The following ADAMTS17 variants were observed in gnomAD, a reference collection of about 807,000 sequenced individuals.
ADAMTS17 encodes the protein A disintegrin and metalloproteinase with thrombospondin motifs 17.
ADAMTS17 carries 113 observed loss-of-function variants against 141.5 expected under a neutral mutation model. The ratio of observed to expected loss-of-function variants is 0.80; its 90% CI spans 0.69 to 0.93. The LOEUF is 0.93. Ranked by LOEUF, ADAMTS17 falls within the 40% of genes least tolerant of loss-of-function variation. ADAMTS17 has a pLI of 0.00. For synonymous variants in ADAMTS17, 768 were observed against 630.6 expected (o/e 1.22, Z -3.27); for missense variants, 1,659 against 1,517.9 (o/e 1.09, Z -1.54).
chr15:99,977,384 ATATATATATATATATAATTT>A (rs1567632395), intron 20 of ADAMTS17, among the ~76,000 whole-genome samples: 8 of 14,778 alleles, frequency 5.4e-4, no homozygotes, highest in African/African-American at 1.9e-3. Flanking sequence ...ATATATATAT[ATATATATATATATATAATTT>A]TTTTTTTTTT....
chr15:100,075,904 G>T (rs139048390), intron 15 of ADAMTS17, among the ~76,000 whole-genome samples: 1 of 152,022 alleles, frequency 6.6e-6, no homozygotes, highest in African/African-American at 2.4e-5. Flanking sequence ...CGTAGACCTG[G>T]TTTCTGTGAT....
At chr15:100,273,203 C>T (rs2043973504) in intron 4 of ADAMTS17, among the ~76,000 whole-genome samples, 1 of 152,032 alleles carries the variant, frequency 6.6e-6, no homozygotes, top group African/African-American at 2.4e-5. Flanking sequence ...TCAGGGAATG[C>T]CAGTCTCACA....
At chr15:100,160,948 AG>A (rs1567281386) in intron 8 of ADAMTS17, among the ~76,000 whole-genome samples, 3 of 152,174 alleles carry the variant, frequency 2.0e-5, no homozygotes, top group Non-Finnish European at 2.9e-5. Context: ...AACTCATATT[AG>A]TTTAAGTTTA....
chr15:100,215,664 T>C (rs574101706), intron 7 of ADAMTS17, among the ~76,000 whole-genome samples: 2 of 152,096 alleles, frequency 1.3e-5, no homozygotes, highest in African/African-American at 4.8e-5. Flanking sequence ...TGGAGTGCCC[T>C]TCTTGGTCCC....
intron 12 of ADAMTS17, among the ~76,000 whole-genome samples, chr15:100,121,036 A>G (rs901230767): frequency 1.3e-5 from 2 of 152,254 alleles, no homozygotes; most frequent in African/African-American, 4.8e-5. Flanking sequence ...TTAAGAAAAC[A>G]AAGATAAATT....
At chr15:100,115,536 A>G (rs2037061951) in intron 13 of ADAMTS17, among the ~76,000 whole-genome samples, 1 of 152,204 alleles carries the variant, frequency 6.6e-6, no homozygotes, top group African/African-American at 2.4e-5. Flanking sequence ...AATTTAGAGC[A>G]TCACATGTTG....
chr15:100,066,582 A>G (rs1359833094), intron 15 of ADAMTS17, among the ~76,000 whole-genome samples: 2 of 152,054 alleles, frequency 1.3e-5, no homozygotes, highest in Non-Finnish European at 2.9e-5. Context: ...AAATGTCTTC[A>G]TTGACATTCT....
chr15:100,195,537 C>G (rs78056693), intron 8 of ADAMTS17, among the ~76,000 whole-genome samples: 1 of 146,306 alleles, frequency 6.8e-6, no homozygotes, highest in South Asian at 2.2e-4. Flanking sequence ...CACATTTTCA[C>G]ATTTTCACCG....
At chr15:100,139,423 C>A (rs2038511575) in intron 10 of ADAMTS17, among the ~76,000 whole-genome samples, 1 of 152,174 alleles carries the variant, frequency 6.6e-6, no homozygotes, top group African/African-American at 2.4e-5. Flanking sequence ...TTGTCACAAC[C>A]AGGGGGAGTG....
Position 100,341,376 on chromosome 15 carries a change from A to G in ADAMTS17, c.113T>C (p.Val38Ala). ...GTCGGGGCGCACCCGCCACGGGAGCACCACCTCCACGTCGGCCGCCGCGTC... is the reference window on the plus strand; with the variant it reads ...GTCGGGGCGCACCCGCCACGGGAGCGCCACCTCCACGTCGGCCGCCGCGTC... ...VGDAAADVEV[V>A]LPWRVRPDDV... Residue 38 changes from valine to alanine, a missense_variant, in exon 2 of 22, where the codon GTG becomes GCG. By Grantham distance (64) the Val-to-Ala change is moderately conservative. Coordinates refer to ENST00000268070, the MANE Select transcript of ADAMTS17 (RefSeq NM_139057.4). The G allele has an allele frequency of 4.9e-6, 5 of 1,017,030 alleles. No individual in the cohort carries two copies. Among genetic ancestry groups the G allele is most frequent in the Non-Finnish European group, 5.9e-6 (5 of 852,556 alleles). The allele number at this position is 1,017,030 out of a possible 1,614,324, so 63.0% of individuals were successfully genotyped here.
chr15:100,021,549 CT>C (rs2061407204), intron 18 of ADAMTS17, among the ~76,000 whole-genome samples: 2 of 152,346 alleles, frequency 1.3e-5, no homozygotes, highest in Non-Finnish European at 2.9e-5. Flanking sequence ...CAGTCTGAAA[CT>C]TTCGACGGCT....
chr15:100,195,979 A>C (rs1273152006), intron 8 of ADAMTS17, among the ~76,000 whole-genome samples: 3 of 152,238 alleles, frequency 2.0e-5, no homozygotes, highest in African/African-American at 7.2e-5. Context: ...TATAATGCCT[A>C]CCTCATAGGA....
intron 2 of ADAMTS17, among the ~76,000 whole-genome samples, chr15:100,334,780 C>T (rs2046159329): frequency 6.6e-6 from 1 of 152,198 alleles, no homozygotes; most frequent in South Asian, 2.1e-4. Context: ...CCAAAGCAAG[C>T]CTCTCCTTGG....
chr15:100,194,527 C>T (rs931632664), intron 8 of ADAMTS17, among the ~76,000 whole-genome samples: 4 of 152,206 alleles, frequency 2.6e-5, no homozygotes, highest in Non-Finnish European at 5.9e-5. Flanking sequence ...CCAACTGCCT[C>T]CTTGATCTGG....
chr15:100,133,391 G>A (rs1246722932), intron 10 of ADAMTS17, 76 bp from the exon 11 acceptor site: 2 of 1,411,074 alleles, frequency 1.4e-6, no homozygotes, highest in Non-Finnish European at 2.0e-6. Flanking sequence ...CAGAGGTGTG[G>A]CCCAACCACT....
rs567117462 is a variant in ADAMTS17, at chr15:100,139,788, A to G, written c.1474-6473T>C. ...GGTACTCTTCAAAAGCGTCAAGGTC[A>G]TGAAAGAAAAGGAAAGGCTGAGGAA... On this transcript the variant is annotated intron_variant, in intron 10 of 21. Coordinates refer to ENST00000268070, the MANE Select transcript of ADAMTS17 (RefSeq NM_139057.4). Among the ~76,000 whole-genome samples, 9 of 152,340 alleles carry G rather than the reference A, an allele frequency of 5.9e-5. No homozygotes were observed. In the South Asian group the frequency reaches 1.9e-3, roughly 32 times the overall value.
chr15:100,189,381 G>T (rs1429044581), intron 8 of ADAMTS17, among the ~76,000 whole-genome samples: 1 of 152,220 alleles, frequency 6.6e-6, no homozygotes, highest in Non-Finnish European at 1.5e-5. Flanking sequence ...CAGGAAGTTG[G>T]CTGCCTTTTT....
intron 15 of ADAMTS17, among the ~76,000 whole-genome samples, chr15:100,095,842 T>C (rs2035722258): frequency 6.6e-6 from 1 of 152,194 alleles, no homozygotes; most frequent in Non-Finnish European, 1.5e-5. Context: ...CTAAGGAATG[T>C]CTGCCCCTGG....
rs904143575 is a variant in ADAMTS17, at chr15:99,982,439, C to T, written c.2950-6217G>A. Among the ~76,000 whole-genome samples, 3 of 152,278 alleles carry T rather than the reference C, an allele frequency of 2.0e-5. No individual in the cohort carries two copies. The South Asian group carries it at 6.2e-4, about 32-fold the overall frequency. Reference sequence around the variant, plus strand: ...TTTGGCCCTGAAGACAAACATGATTCCAGACAGGTCTGAAGGGGCTGCTGT... The same window carrying T: ...TTTGGCCCTGAAGACAAACATGATTTCAGACAGGTCTGAAGGGGCTGCTGT... On this transcript the variant is annotated intron_variant, in intron 20 of 21. Transcript: ENST00000268070.
Sources: gnomAD v4.1 joint callset for allele counts (sites outside exome capture counted in the v4.1 genomes callset) on GRCh38, gnomAD v4.1.1 for gene constraint, MANE v1.5 for transcripts, NCBI Gene and HGNC (gene_info 2026-07-23, HGNC 2026-07-21) for gene names.